Variants in MTMR7 observed in about 807,000 individuals in gnomAD.
MTMR7 encodes the protein myotubularin related protein 7.
In MTMR7, 76 loss-of-function variants were observed where a neutral mutation model predicts 81.2. The ratio of observed to expected loss-of-function variants is 0.94; its 90% confidence interval spans 0.78 to 1.13. The LOEUF is 1.13. Among genes scored for constraint, MTMR7 ranks in the 50% most tolerant of loss-of-function variants. The pLI is 0.00. For missense variants in MTMR7, 1,044 were observed against 820.0 expected (o/e 1.27, Z -3.34); for synonymous variants, 372 against 289.8 (o/e 1.28, Z -2.88).
intron 12 of MTMR7, among the ~76,000 whole-genome samples, chr8:17,302,840 G>A (rs1057362138): frequency 6.6e-6 from 1 of 150,544 alleles, no homozygotes; most frequent in Admixed American, 6.7e-5. Context: ...AGCCTCCCAA[G>A]TACCTGGGAT....
chr8:17,312,048 G>A (rs1276411330), intron 8 of MTMR7, among the ~76,000 whole-genome samples: 1 of 152,080 alleles, frequency 6.6e-6, no homozygotes, highest in Non-Finnish European at 1.5e-5. Context: ...GACCTATGAA[G>A]TTATAAATAA....
At chr8:17,398,984 A>G (rs1821342053) in intron 1 of MTMR7, among the ~76,000 whole-genome samples, 1 of 152,210 alleles carries the variant, frequency 6.6e-6, no homozygotes, top group South Asian at 2.1e-4. Context: ...ATACCTCAAC[A>G]TAATAAAAGA....
chr8:17,361,373 C>A lies in MTMR7; in HGVS notation c.311-99G>T, dbSNP rs930450866. On this transcript the variant is annotated intron_variant, in intron 3 of 13. Transcript: ENST00000180173. ...GTCCCACCTGGAGTGCCCAGAGAGG[C>A]CATCCCAACCCCCACCCCCAGCACA... 5.5e-6 allele frequency: 7 copies of A among 1,283,158 alleles called. No homozygotes were observed. The African/African-American group carries it at 7.3e-5, about 13-fold the overall frequency. 79.5% of individuals were successfully genotyped at this position (1,283,158 alleles called of 1,614,324 possible).
chr8:17,369,641 C>CTT (rs71212689), intron 3 of MTMR7, among the ~76,000 whole-genome samples: 1,136 of 106,216 alleles, frequency 0.011, 22 homozygotes, highest in Non-Finnish European at 0.017. Context: ...TTCTTTTTTT[C>CTT]TTTTTTTTTT....
chr8:17,339,933 G>A (rs532061579), intron 6 of MTMR7, among the ~76,000 whole-genome samples: 1 of 152,276 alleles, frequency 6.6e-6, no homozygotes, highest in African/African-American at 2.4e-5. Flanking sequence ...TAAACAGTGT[G>A]GTATACATTC....
At chr8:17,396,644 A>G (rs1466566572) in intron 1 of MTMR7, among the ~76,000 whole-genome samples, 3 of 152,066 alleles carry the variant, frequency 2.0e-5, no homozygotes, top group Admixed American at 2.0e-4. Context: ...TCTGAAAGGC[A>G]ATCCGGGACA....
At chr8:17,337,855 C>A (rs779520627) in intron 6 of MTMR7, among the ~76,000 whole-genome samples, 2 of 152,132 alleles carry the variant, frequency 1.3e-5, no homozygotes, top group Non-Finnish European at 2.9e-5. Context: ...AAAATGTCAA[C>A]AAGTAATTCT....
chr8:17,309,256 A>C (rs1548353), intron 10 of MTMR7, 21 bp downstream of exon 10: 1 of 1,422,602 alleles, frequency 7.0e-7, no homozygotes, highest in East Asian at 2.3e-5. Flanking sequence ...AACATTCAAA[A>C]CAGTCTTAAA....
At chr8:17,408,015 C>T (rs193002304) in intron 1 of MTMR7, among the ~76,000 whole-genome samples, 5 of 152,134 alleles carry the variant, frequency 3.3e-5, no homozygotes, top group Non-Finnish European at 7.3e-5. Context: ...GAGTTCAACA[C>T]TAATTCTGGC....
intron 7 of MTMR7, among the ~76,000 whole-genome samples, chr8:17,320,390 T>G (rs185841299): frequency 1.6e-4 from 25 of 151,516 alleles, no homozygotes; most frequent in Admixed American, 3.3e-4. Context: ...AGACGGAGGG[T>G]GTGGTAAAGG....
intron 6 of MTMR7, among the ~76,000 whole-genome samples, chr8:17,334,525 G>T (rs1275914643): frequency 6.6e-6 from 1 of 152,180 alleles, no homozygotes; most frequent in East Asian, 1.9e-4. Flanking sequence ...TGAAAAGTAG[G>T]ACTGCAAAAA....
In MTMR7 at chr8:17,304,404, T is replaced by C. The variant is rs942544610; in HGVS notation, c.1468A>G (p.Thr490Ala). Residue 490 changes from threonine to alanine, a missense_variant, in exon 12 of 14, where the codon ACA (threonine) becomes GCA (alanine). Coordinates refer to ENST00000180173, the MANE Select transcript of MTMR7 (RefSeq NM_004686.5). ...TTGTACATGAAGTTACATGGTGTTG[T>C]AGGGAGATGAAGGGTTCCCTGAGTC... Reference protein sequence around the residue: ...SQTQGTLHLPTTPCNFMYKFW... With the variant: ...SQTQGTLHLPATPCNFMYKFW... 1.9e-6 allele frequency: 3 copies of C among 1,613,868 alleles called. No individual in the cohort carries two copies. The highest frequency in any genetic ancestry group is 2.5e-6 in the Non-Finnish European group (3 of 1,179,882).
chr8:17,306,336 G>T (rs1353849225), intron 10 of MTMR7, among the ~76,000 whole-genome samples: 1 of 151,722 alleles, frequency 6.6e-6, no homozygotes, highest in African/African-American at 2.4e-5. Flanking sequence ...CAACTTTAAG[G>T]CTCTTCATTT....
In MTMR7 at chr8:17,305,867, G is replaced by A; in HGVS notation, c.1242C>T (p.Pro414=). Residue 414 remains proline (P), a synonymous_variant, in exon 11 of 14, where the codon CCC becomes CCT. Transcript: ENST00000180173. ...ECVWQLMEQF[P]CAFEFNERFL... is the part of the protein sequence containing the mutation. ...ACCTCTCATTGAACTCAAAGGCACA[G>A]GGAAATTGTTCCATTAACTGCCAAA... 6.2e-7 allele frequency: 1 copy of A among 1,613,624 alleles called. No individual in the cohort carries two copies. The highest frequency in any genetic ancestry group is 8.5e-7 in the Non-Finnish European group (1 of 1,179,630).
intron 1 of MTMR7, among the ~76,000 whole-genome samples, chr8:17,409,730 C>G (rs750362943): frequency 1.3e-5 from 2 of 152,166 alleles, no homozygotes; most frequent in Non-Finnish European, 2.9e-5. Context: ...TAAAATACAA[C>G]AGGCAGATCT....
chr8:17,394,519 C>G (rs1333175200), intron 1 of MTMR7, among the ~76,000 whole-genome samples: 1 of 151,948 alleles, frequency 6.6e-6, no homozygotes, highest in African/African-American at 2.4e-5. Context: ...AGAGATTGTC[C>G]AGGGTGTAGG....
intron 1 of MTMR7, among the ~76,000 whole-genome samples, chr8:17,394,093 T>C (rs1821180975): frequency 6.6e-6 from 1 of 152,308 alleles, no homozygotes; most frequent in South Asian, 2.1e-4. Flanking sequence ...CATACATCAC[T>C]GTTAGGAATA....
intron 1 of MTMR7, among the ~76,000 whole-genome samples, chr8:17,396,436 G>A (rs1418072948): frequency 1.3e-5 from 2 of 152,138 alleles, no homozygotes; most frequent in African/African-American, 2.4e-5. Context: ...GTGCACTTGC[G>A]GGAAGGAGAG....
rs1185196816 is a variant in MTMR7 at position 17,341,298 on chromosome 8, G to A, written c.732+65C>T. 1.9e-6 allele frequency: 3 copies of A among 1,595,218 alleles called. No individual in the cohort carries two copies. The East Asian group carries it at 6.7e-5, about 36-fold the overall frequency. ...CTGCACAAGAGATGGCAGTCGGCTA[G>A]CCTTTGCCTGTCTCCAGTTTCACAA... On this transcript the variant is annotated intron_variant, in intron 6 of 13. Coordinates refer to ENST00000180173, the MANE Select transcript of MTMR7 (RefSeq NM_004686.5).
Sources: gnomAD v4.1 joint callset for allele counts (sites outside exome capture counted in the v4.1 genomes callset) on GRCh38, gnomAD v4.1.1 for gene constraint, MANE v1.5 for transcripts, NCBI Gene and HGNC (gene_info 2026-07-23, HGNC 2026-07-21) for gene names.